RPS6KC1: variants seen among roughly 807,000 people sequenced by gnomAD.
RPS6KC1 encodes ribosomal protein S6 kinase C1.
Under a neutral mutation model 103.8 loss-of-function variants are expected in RPS6KC1, and 54 were observed. The ratio of observed to expected loss-of-function variants is 0.52; its 90% CI spans 0.42 to 0.65. The LOEUF (loss-of-function observed/expected upper bound fraction) is 0.65. Ranked by LOEUF, RPS6KC1 falls within the 30% of genes least tolerant of loss-of-function variation. The pLI is 0.00. For missense variants in RPS6KC1, 1,151 were observed against 1,253.8 expected, an observed-to-expected ratio of 0.92 and a Z score of 1.24; for synonymous variants, 439 against 438.7, an observed-to-expected ratio of 1.00 and a Z score of -0.01.
intron 8 of RPS6KC1, among the ~76,000 whole-genome samples, chr1:213,186,534 G>T (rs180947291): frequency 1.3e-5 from 2 of 152,098 alleles, no homozygotes; most frequent in African/African-American, 4.8e-5. Flanking sequence ...ACCTTTGAGG[G>T]TTTGATTATT....
At chr1:213,658,443 G>T in the RPS6KC1 span, among the ~76,000 whole-genome samples, 1 of 152,180 alleles carries the variant, frequency 6.6e-6, no homozygotes, top group South Asian at 2.1e-4. Context: ...GAGGATCAAA[G>T]GTGGCCAGTA....
At chr1:213,799,691 C>T in the RPS6KC1 span, among the ~76,000 whole-genome samples, 2 of 152,292 alleles carry the variant, frequency 1.3e-5, no homozygotes, top group African/African-American at 4.8e-5. Context: ...TGAGAGCAGT[C>T]TGAGATACAA....
chr1:213,145,969 T>TG, intron 6 of RPS6KC1, among the ~76,000 whole-genome samples: 1 of 41,978 alleles, frequency 2.4e-5, no homozygotes, highest in South Asian at 8.5e-4. Context: ...TTCATTCTGT[T>TG]TTTTTTTTTT....
the RPS6KC1 span, among the ~76,000 whole-genome samples, chr1:213,834,444 A>C: frequency 6.6e-6 from 1 of 152,156 alleles, no homozygotes; most frequent in Non-Finnish European, 1.5e-5. Flanking sequence ...GTTCCAATCC[A>C]TTCCCTTGTT....
chr1:213,363,514 C>G, the RPS6KC1 span, among the ~76,000 whole-genome samples: 4 of 152,208 alleles, frequency 2.6e-5, no homozygotes, highest in African/African-American at 7.2e-5. Context: ...GGTGTTGTAT[C>G]TGTGTTCCAG....
chr1:213,067,647 C>T (rs2078450733), intron 1 of RPS6KC1, among the ~76,000 whole-genome samples: 1 of 152,122 alleles, frequency 6.6e-6, no homozygotes, highest in African/African-American at 2.4e-5. Context: ...GAAATACACC[C>T]TCCTTCACTC....
chr1:213,178,567 AAACAC>A (rs1174145874), intron 8 of RPS6KC1, among the ~76,000 whole-genome samples: 1 of 152,062 alleles, frequency 6.6e-6, no homozygotes, highest in Non-Finnish European at 1.5e-5. Flanking sequence ...AAACAAAAAA[AAACAC>A]AACAAAACAG....
chr1:213,597,523 AT>A, the RPS6KC1 span, among the ~76,000 whole-genome samples: 1 of 152,206 alleles, frequency 6.6e-6, no homozygotes, highest in East Asian at 1.9e-4. Flanking sequence ...GGAAGGGTGG[AT>A]TTGACAAGAG....
chr1:213,278,276 C>T (rs994746769), downstream of RPS6KC1, among the ~76,000 whole-genome samples: 1 of 151,698 alleles, frequency 6.6e-6, no homozygotes, highest in African/African-American at 2.4e-5. Context: ...TTGATTAACC[C>T]CACCAAGAGA....
chr1:213,550,361 T>G, the RPS6KC1 span, among the ~76,000 whole-genome samples: 2 of 152,310 alleles, frequency 1.3e-5, no homozygotes, highest in Admixed American at 1.3e-4. Flanking sequence ...CTTTTCCCTG[T>G]TGGTAGGGAG....
chr1:213,105,504 A>T (rs1437783543), intron 4 of RPS6KC1, among the ~76,000 whole-genome samples: 1 of 150,626 alleles, frequency 6.6e-6, no homozygotes, highest in African/African-American at 2.5e-5. Context: ...TACACAGATT[A>T]TTTATTTATT....
the RPS6KC1 span, among the ~76,000 whole-genome samples, chr1:213,434,549 G>GGC: frequency 6.6e-6 from 1 of 152,028 alleles, no homozygotes; most frequent in African/African-American, 2.4e-5. Flanking sequence ...TCCGCCTCCT[G>GGC]GGTTCAACCA....
chr1:213,180,057 T>G (rs1040602130), intron 8 of RPS6KC1, among the ~76,000 whole-genome samples: 3 of 152,202 alleles, frequency 2.0e-5, no homozygotes, highest in Non-Finnish European at 4.4e-5. Flanking sequence ...GAGAAGTAAA[T>G]GACTTTCTGT....
At chr1:213,808,680 G>C in the RPS6KC1 span, among the ~76,000 whole-genome samples, 3 of 152,242 alleles carry the variant, frequency 2.0e-5, no homozygotes, top group Non-Finnish European at 4.4e-5. Context: ...GGTGCCATCT[G>C]TCACCCCTTT....
At chr1:213,825,526 G>A in the RPS6KC1 span, among the ~76,000 whole-genome samples, 4 of 152,118 alleles carry the variant, frequency 2.6e-5, no homozygotes, top group Non-Finnish European at 5.9e-5. Context: ...CCTACAAGGG[G>A]GTTAATGCCA....
the RPS6KC1 span, among the ~76,000 whole-genome samples, chr1:213,679,945 C>A: frequency 1.3e-5 from 2 of 152,068 alleles, no homozygotes; most frequent in East Asian, 3.9e-4. Flanking sequence ...TCCATAGTGA[C>A]AAAACAGATA....
At chr1:213,314,949 G>C in the RPS6KC1 span, among the ~76,000 whole-genome samples, 3 of 152,056 alleles carry the variant, frequency 2.0e-5, no homozygotes, top group East Asian at 5.8e-4. Context: ...GTGCTTCCTT[G>C]CTTGAAAGTG....
At chr1:213,152,550 A>C (rs2089296670) in intron 6 of RPS6KC1, among the ~76,000 whole-genome samples, 2 of 136,014 alleles carry the variant, frequency 1.5e-5, no homozygotes, top group Non-Finnish European at 3.1e-5. Context: ...GATGCTCCTC[A>C]CCTCCCAGAC....
chr1:213,819,752 T>C, the RPS6KC1 span: 1 of 152,248 alleles, frequency 6.6e-6, no homozygotes, highest in Non-Finnish European at 1.5e-5. Context: ...TTGTCATGAA[T>C]ATTACTGAAA....
Sources: allele counts gnomAD v4.1 joint callset (sites outside exome capture counted in the v4.1 genomes callset), GRCh38; gene constraint gnomAD v4.1.1; transcripts MANE v1.5; gene names NCBI Gene and HGNC (gene_info 2026-07-23, HGNC 2026-07-21).